The following PRDM14 variants were observed in gnomAD, a reference collection of about 807,000 sequenced individuals.
PRDM14 encodes the protein PR domain zinc finger protein 14.
In PRDM14, 16 loss-of-function variants were observed where a neutral mutation model predicts 48.0. The ratio of observed to expected loss-of-function variants is 0.33; its 90% CI spans 0.23 to 0.51. The LOEUF (loss-of-function observed/expected upper bound fraction) is 0.51, where lower values mean the gene tolerates loss of function less well. Among genes scored for constraint, PRDM14 ranks in the 20% least tolerant of loss-of-function variants. The pLI is 0.97. For synonymous variants in PRDM14, 264 were observed against 276.6 expected, an observed-to-expected ratio of 0.95 and a Z score of 0.45; for missense variants, 566 against 719.6, an observed-to-expected ratio of 0.79 and a Z score of 2.44.
Position 70,068,368 on chromosome 8 carries a change from C to T in PRDM14, c.774G>A (p.Thr258=), listed in dbSNP as rs140893673. The change falls in exon 4 of 8, where the codon ACG becomes ACA. Residue 258 remains threonine, a synonymous_variant. Transcript: ENST00000276594. ...QLPEGLCLMQ[T]VFGEVPHFGV... ...CAAAATGTGGGACTTCACCAAACAC[C>T]GTCTGCATGAGGCATAGACCTAGGG... 1.1e-4 allele frequency: 176 copies of T among 1,614,182 alleles called. 1 individual carries two copies. In the African/African-American group the frequency reaches 1.8e-3, roughly 16 times the overall value.
At chr8:70,060,729 T>G (rs1003199472) in intron 5 of PRDM14, among the ~76,000 whole-genome samples, 2 of 152,220 alleles carry the variant, frequency 1.3e-5, no homozygotes, top group Non-Finnish European at 2.9e-5. Context: ...CATTCCTGCC[T>G]GGCACTTGTT....
chr8:70,064,253 T>C (rs1262431583), intron 5 of PRDM14, among the ~76,000 whole-genome samples: 2 of 152,126 alleles, frequency 1.3e-5, no homozygotes, highest in Non-Finnish European at 2.9e-5. Flanking sequence ...AGATAAATAA[T>C]GACTGCTTAT....
chr8:70,068,921 C>A (rs1027963515), intron 2 of PRDM14, among the ~76,000 whole-genome samples: 7 of 152,160 alleles, frequency 4.6e-5, no homozygotes, highest in African/African-American at 1.4e-4. Flanking sequence ...CCTGGGAGTT[C>A]GCTGCAGGAA....
rs376351666 is a variant in PRDM14 at position 70,069,096 on chromosome 8, G to T, written c.700+65C>A. The T allele has an allele frequency of 6.9e-6, 9 of 1,303,864 alleles. No individual in the cohort carries two copies. In the African/African-American group the frequency reaches 1.3e-4, roughly 19 times the overall value. 80.8% of individuals were successfully genotyped at this position (1,303,864 alleles called of 1,614,324 possible). A position where few individuals can be genotyped will look rare whatever the true frequency, so the allele number is the denominator to read the frequency against. ...CTCCACCTGGAAGCGCCTCTTCCCG[G>T]ACACTCCCGTTCCCGCCTGCATTCC... On this transcript the variant is annotated intron_variant, in intron 2 of 7. Transcript: ENST00000276594.
At chr8:70,070,147 C>T (rs1225153201) in intron 1 of PRDM14, among the ~76,000 whole-genome samples, 3 of 152,224 alleles carry the variant, frequency 2.0e-5, no homozygotes, top group Non-Finnish European at 4.4e-5. Context: ...TTGCCTTCCC[C>T]TTCCCTCTCC....
At chr8:70,064,004 G>T (rs929797492) in intron 5 of PRDM14, among the ~76,000 whole-genome samples, 4 of 151,868 alleles carry the variant, frequency 2.6e-5, no homozygotes, top group Non-Finnish European at 5.9e-5. Context: ...AACACTTCTG[G>T]TCCCAGGCAT....
rs763796290 is a variant in PRDM14, at chr8:70,066,472, C to T, written c.946G>A (p.Asp316Asn). Residue 316 changes from aspartate to asparagine, a missense_variant, in exon 5 of 8, where the codon GAT (aspartate) becomes AAT (asparagine). Asp to Asn is a conservative substitution (Grantham distance 23). Coordinates refer to ENST00000276594, the MANE Select transcript of PRDM14 (RefSeq NM_024504.4). Reference protein sequence around the residue: ...FEDGHLSHFIDGKGGTGNWMS... With the variant: ...FEDGHLSHFINGKGGTGNWMS... Reference sequence around the variant, plus strand: ...CAGTTCCCCGTACCTCCTTTTCCATCTATAAAGTGGCTCAAATGACCATCT... The same window carrying T: ...CAGTTCCCCGTACCTCCTTTTCCATTTATAAAGTGGCTCAAATGACCATCT... 1.5e-5 allele frequency: 25 copies of T among 1,613,868 alleles called. No homozygotes were observed. The highest frequency in any genetic ancestry group is 1.9e-5 in the Non-Finnish European group (23 of 1,179,940).
intron 5 of PRDM14, among the ~76,000 whole-genome samples, chr8:70,059,868 T>C (rs1585650040): frequency 6.7e-6 from 1 of 148,450 alleles, no homozygotes; most frequent in Non-Finnish European, 1.5e-5. Flanking sequence ...CTGAGGCAGG[T>C]GGATCACCTG....
Position 70,052,386 on chromosome 8 carries a change from C to A in PRDM14, c.1489-82G>T, listed in dbSNP as rs145130172. On this transcript the variant is annotated intron_variant, in intron 7 of 7. Transcript: ENST00000276594. ...ACCAATTAAACTAAGGGGTAAATTT[C>A]ACTGTTGCTCATCCTTATGGACGAA... is the stretch of plus-strand genomic sequence containing the variant. 277 of 1,116,918 alleles carry A rather than the reference C, an allele frequency of 2.5e-4. 1 individual carries two copies. In the East Asian group the frequency reaches 6.5e-3, roughly 26 times the overall value. The allele number at this position is 1,116,918 out of a possible 1,614,324, so 69.2% of individuals were successfully genotyped here.
chr8:70,062,802 T>G (rs192701489), intron 5 of PRDM14, among the ~76,000 whole-genome samples: 1 of 152,308 alleles, frequency 6.6e-6, no homozygotes, highest in East Asian at 1.9e-4. Flanking sequence ...TTTAAATAAT[T>G]TTGTGCATGA....
chr8:70,056,755 G>A (rs1449753803), intron 6 of PRDM14, among the ~76,000 whole-genome samples: 3 of 143,620 alleles, frequency 2.1e-5, no homozygotes, highest in African/African-American at 7.9e-5. Flanking sequence ...GGAGGTGGAG[G>A]TTGCAGTGAG....
intron 6 of PRDM14, 99 bp downstream of exon 6, chr8:70,058,541 A>G (rs1805519826): frequency 4.0e-6 from 4 of 1,009,160 alleles, no homozygotes; most frequent in Non-Finnish European, 4.6e-6. Context: ...CAGGCATCAC[A>G]GCCCTGCAGC....
rs761251088 is a variant in PRDM14 at position 70,068,352 on chromosome 8, G to T, written c.790C>A (p.Pro264Thr). Reference protein sequence around the residue: ...CLMQTVFGEVPHFGVFCSSFI... With the variant: ...CLMQTVFGEVTHFGVFCSSFI... Reference sequence around the variant, plus strand: ...CTACTGCAGAACACACCAAAATGTGGGACTTCACCAAACACCGTCTGCATG... The same window carrying T: ...CTACTGCAGAACACACCAAAATGTGTGACTTCACCAAACACCGTCTGCATG... Residue 264 changes from proline (P) to threonine (T), a missense_variant, in exon 4 of 8, where the codon CCA becomes ACA. By Grantham distance (38) the Pro-to-Thr change is conservative (BLOSUM62 -1). This residue lies in a region of PRDM14 where 410 missense variants were observed against 424.6 expected (regional missense o/e 0.97). Coordinates refer to ENST00000276594, the MANE Select transcript of PRDM14 (RefSeq NM_024504.4). 1 of 1,614,222 alleles carries T rather than the reference G, an allele frequency of 6.2e-7. No individual in the cohort carries two copies. The highest frequency in any genetic ancestry group is 1.1e-5 in the South Asian group (1 of 91,088).
intron 5 of PRDM14, among the ~76,000 whole-genome samples, chr8:70,063,844 G>A (rs1418779767): frequency 6.6e-6 from 1 of 152,066 alleles, no homozygotes; most frequent in African/African-American, 2.4e-5. Flanking sequence ...ATTTCGAAAG[G>A]AGTTGGTACA....
At chr8:70,062,115 T>C (rs1253114989) in intron 5 of PRDM14, among the ~76,000 whole-genome samples, 4 of 152,200 alleles carry the variant, frequency 2.6e-5, no homozygotes, top group Non-Finnish European at 5.9e-5. Flanking sequence ...CCCAACAAAT[T>C]AAGTTGTTTA....
At chr8:70,070,030 C>T (rs1805740944) in intron 1 of PRDM14, 146 bp from the exon 2 acceptor site, 3 of 552,506 alleles carry the variant, frequency 5.4e-6, no homozygotes, top group African/African-American at 1.9e-5. Context: ...CGCCAGCCCG[C>T]TCCCACAATT....
At position 70,069,700 on chromosome 8, in the gene PRDM14, C is replaced by T. The variant is rs138348268; in HGVS notation, c.161G>A (p.Arg54Gln). The T allele has an allele frequency of 1.2e-5, 19 of 1,561,812 alleles. No individual in the cohort carries two copies. In the African/African-American group the frequency reaches 2.6e-4, roughly 21 times the overall value. ...ATVEEDFQPF[R>Q]QLEAAASAAP... ...AGCAGACGCTGCGGCCTCCAGCTGCCGGAAAGGTTGGAAGTCTTCCTCCAC... is the reference window on the plus strand; with the variant it reads ...AGCAGACGCTGCGGCCTCCAGCTGCTGGAAAGGTTGGAAGTCTTCCTCCAC... Residue 54 changes from arginine (R) to glutamine (Q), a missense_variant, in exon 2 of 8, where the codon CGG (arginine) becomes CAG (glutamine). Transcript: ENST00000276594.
chr8:70,066,221 G>A lies in PRDM14; in HGVS notation c.1183+14C>T, dbSNP rs1370463189. On this transcript the variant is annotated intron_variant, in intron 5 of 7. Transcript: ENST00000276594. ...GGGATGCCCTCATTGGGCAAGGCGA[G>A]GGTGTGCACTCACCTTCAGAGGGCC... The A allele has an allele frequency of 6.2e-7, 1 of 1,610,928 alleles. No homozygotes were observed. The highest frequency in any genetic ancestry group is 1.7e-5 in the Admixed American group (1 of 59,834).
chr8:70,064,474 CCT>C (rs1805633540), intron 5 of PRDM14, among the ~76,000 whole-genome samples: 1 of 151,920 alleles, frequency 6.6e-6, no homozygotes, highest in South Asian at 2.1e-4. Flanking sequence ...TATTTCCTGC[CCT>C]GAAGCATCTC....
Sources: allele counts gnomAD v4.1 joint callset (sites outside exome capture counted in the v4.1 genomes callset), GRCh38; gene constraint gnomAD v4.1.1; regional missense constraint gnomAD v4.1.1; transcripts MANE v1.5; gene names NCBI Gene and HGNC (gene_info 2026-07-23, HGNC 2026-07-21).